Variants in NFKBIL1 observed in about 807,000 individuals in gnomAD.
NFKBIL1 encodes the protein NF-kappa-B inhibitor-like protein 1.
A neutral mutation model predicts 45.4 loss-of-function variants in NFKBIL1; 30 were observed. That is an observed-to-expected ratio of 0.66 (90% CI 0.49 to 0.90). NFKBIL1 has a LOEUF of 0.90. NFKBIL1 is among the 40% of genes least tolerant of loss of function. The pLI, the probability that NFKBIL1 is intolerant of heterozygous loss-of-function variation, is 0.00. For synonymous variants in NFKBIL1, 179 were observed against 197.3 expected, an observed-to-expected ratio of 0.91 and a Z score of 0.78; for missense variants, 434 against 513.4, an observed-to-expected ratio of 0.85 and a Z score of 1.49.
chr6:31,547,812 G>C, intron 1 of NFKBIL1, 61 bp downstream of exon 1: 1 of 1,398,426 alleles, frequency 7.2e-7, no homozygotes, highest in Non-Finnish European at 9.9e-7. Flanking sequence ...TTAAAACTCA[G>C]ATTTCTGCTG....
chr6:31,555,759 C>T (rs986324052), intron 2 of NFKBIL1, among the ~76,000 whole-genome samples: 6 of 149,488 alleles, frequency 4.0e-5, no homozygotes, highest in African/African-American at 1.2e-4. Flanking sequence ...GGATTACAGG[C>T]GTCAGCCACC....
intron 2 of NFKBIL1, among the ~76,000 whole-genome samples, chr6:31,551,732 T>C (rs112868039): frequency 0.017 from 2,506 of 151,804 alleles, 50 homozygotes; most frequent in South Asian, 0.091. Flanking sequence ...GTAGCTGAGA[T>C]TACAGGCACA....
In NFKBIL1 at chr6:31,557,916, T is replaced by C; in HGVS notation, c.556+67T>C. 2.0e-6 allele frequency: 3 copies of C among 1,509,590 alleles called. No individual in the cohort carries two copies. Among genetic ancestry groups the C allele is most frequent in the South Asian group, 1.3e-5 (1 of 78,752 alleles). 93.5% of individuals were successfully genotyped at this position (1,509,590 alleles called of 1,614,324 possible). A position where few individuals can be genotyped will look rare whatever the true frequency, so the allele number is the denominator to read the frequency against. On this transcript the variant is annotated intron_variant, in intron 3 of 3. Coordinates refer to ENST00000376148, the MANE Select transcript of NFKBIL1 (RefSeq NM_005007.4). The surrounding 1 kb of genome is among the most constrained non-coding windows in gnomAD (Gnocchi z 5.4). ...GCTGCTTTCCATCTGCATGAATGCG[T>C]CACACTAGGCTCCTCTGCCCCCTCC...
At chr6:31,551,065 C>G (rs576302019) in intron 2 of NFKBIL1, among the ~76,000 whole-genome samples, 1 of 152,244 alleles carries the variant, frequency 6.6e-6, no homozygotes, top group South Asian at 2.1e-4. Context: ...CTCATTCTGT[C>G]TCCCAGCCTG....
chr6:31,557,593 C>T lies in NFKBIL1; in HGVS notation c.335-35C>T. ...CAGCTCTGCCGAGGAGTGGGAGTCC[C>T]AGCTAACTTCTGCTCCCTGCTCTCC... is the stretch of plus-strand genomic sequence containing the variant. On this transcript the variant is annotated intron_variant, in intron 2 of 3. Coordinates refer to ENST00000376148, the MANE Select transcript of NFKBIL1 (RefSeq NM_005007.4). The surrounding 1 kb of genome is among the most constrained non-coding windows in gnomAD (Gnocchi z 5.4). The T allele has an allele frequency of 6.9e-7, 1 of 1,457,686 alleles. No individual in the cohort carries two copies. Among genetic ancestry groups the T allele is most frequent in the Non-Finnish European group, 9.1e-7 (1 of 1,095,122 alleles). The allele number at this position is 1,457,686 out of a possible 1,614,324, so 90.3% of individuals were successfully genotyped here.
Position 31,558,650 on chromosome 6 carries a change from C to G in NFKBIL1, c.*39C>G. On this transcript the variant is annotated 3_prime_UTR_variant, in exon 4 of 4. Coordinates refer to ENST00000376148, the MANE Select transcript of NFKBIL1 (RefSeq NM_005007.4). The surrounding 1 kb of genome is among the most constrained non-coding windows in gnomAD (Gnocchi z 7.2). ...GCAAGAAACTTCGGGGCTGCAGCCTCAGGATGAGGCAGAAGGAAGGGTAAG... is the reference window on the plus strand; with the variant it reads ...GCAAGAAACTTCGGGGCTGCAGCCTGAGGATGAGGCAGAAGGAAGGGTAAG... The G allele has an allele frequency of 5.4e-6, 8 of 1,482,080 alleles. No individual in the cohort carries two copies. Among genetic ancestry groups the G allele is most frequent in the Non-Finnish European group, 7.3e-6 (8 of 1,096,246 alleles). 91.8% of individuals were successfully genotyped at this position (1,482,080 alleles called of 1,614,324 possible).
At chr6:31,554,429 C>T (rs67872983) in intron 2 of NFKBIL1, among the ~76,000 whole-genome samples, 6,495 of 150,944 alleles carry the variant, frequency 0.043, 247 homozygotes, top group South Asian at 0.16. Context: ...AAAAAAAAAG[C>T]TTTTTTAAAG....
intron 2 of NFKBIL1, among the ~76,000 whole-genome samples, chr6:31,556,276 C>T (rs538272538): frequency 2.0e-5 from 3 of 152,246 alleles, no homozygotes; most frequent in African/African-American, 7.2e-5. Flanking sequence ...GGTGGGCCTT[C>T]GCCAGCCACA....
intron 2 of NFKBIL1, among the ~76,000 whole-genome samples, chr6:31,555,235 C>CTTTTTTTTTTTTT (rs9279346): frequency 4.0e-5 from 5 of 125,196 alleles, no homozygotes; most frequent in Non-Finnish European, 5.1e-5. Context: ...TATTTTTTTT[C>CTTTTTTTTTTTTT]TTTTTTTTTT....
rs201221034 is a variant in NFKBIL1 at position 31,558,067 on chromosome 6, G to C, written c.602G>C (p.Trp201Ser). 1 of 1,612,138 alleles carries C rather than the reference G, an allele frequency of 6.2e-7. No individual in the cohort carries two copies. The highest frequency in any genetic ancestry group is 8.5e-7 in the Non-Finnish European group (1 of 1,179,788). Residue 201 changes from tryptophan to serine, a missense_variant, in exon 4 of 4, where the codon TGG (tryptophan) becomes TCG (serine). Trp to Ser is a radical substitution (Grantham distance 177, BLOSUM62 -3). Around this residue, in one of 4 missense-constraint regions of NFKBIL1, gnomAD observed 23 missense variants for 46.9 expected, o/e 0.49. Transcript: ENST00000376148. The surrounding 1 kb of genome is among the most constrained non-coding windows in gnomAD (Gnocchi z 7.2). ...CAGGAACCTGAGTCCTTCTCAGCCT[G>C]GTCAGATCGCCTGGCCCGGGAACAT... is the stretch of plus-strand genomic sequence containing the variant. ...ETQEPESFSA[W>S]SDRLAREHAQ...
chr6:31,554,588 GA>G (rs1049452119), intron 2 of NFKBIL1, among the ~76,000 whole-genome samples: 4 of 151,794 alleles, frequency 2.6e-5, no homozygotes, highest in Admixed American at 1.3e-4. Flanking sequence ...ACATGAAAAA[GA>G]AAAAAACATT....
Position 31,557,125 on chromosome 6 carries a change from T to G in NFKBIL1, c.335-503T>G, listed in dbSNP as rs1769783944. 8.9e-6 allele frequency among the ~76,000 whole-genome samples: 1 copy of G among 111,882 alleles called. No homozygotes were observed. Among genetic ancestry groups the G allele is most frequent in the African/African-American group, 3.6e-5 (1 of 27,992 alleles). 73.4% of individuals were successfully genotyped at this position (111,882 alleles called of 152,430 possible). A position where few individuals can be genotyped will look rare whatever the true frequency, so the allele number is the denominator to read the frequency against. ...GTAAGAATTTTTTTTTTTTTTTTTTTGAGACGGAGTCTTGCTCTGTCACCT... is the reference window on the plus strand; with the variant it reads ...GTAAGAATTTTTTTTTTTTTTTTTTGGAGACGGAGTCTTGCTCTGTCACCT... On this transcript the variant is annotated intron_variant, in intron 2 of 3. Coordinates refer to ENST00000376148, the MANE Select transcript of NFKBIL1 (RefSeq NM_005007.4). This position sits in a 1 kb window ranked among gnomAD's most constrained non-coding sequence, Gnocchi z 5.4.
chr6:31,548,570 T>A, intron 2 of NFKBIL1, 131 bp downstream of exon 2: 1 of 1,018,590 alleles, frequency 9.8e-7, no homozygotes. Flanking sequence ...CAAGTTGGCA[T>A]GTGGCTGTCA....
chr6:31,552,093 G>A (rs959406302), intron 2 of NFKBIL1, among the ~76,000 whole-genome samples: 15 of 151,734 alleles, frequency 9.9e-5, no homozygotes, highest in African/African-American at 3.6e-4. Flanking sequence ...CACCATGCCC[G>A]ACCTAATTTT....
At position 31,558,372 on chromosome 6, in the gene NFKBIL1, C is replaced by A; in HGVS notation, c.907C>A (p.Pro303Thr). 6.4e-7 allele frequency: 1 copy of A among 1,553,096 alleles called. No homozygotes were observed. Residue 303 changes from proline (P) to threonine (T), a missense_variant, in exon 4 of 4, where the codon CCC becomes ACC. Pro to Thr is a conservative substitution (Grantham distance 38). Around this residue, in one of 4 missense-constraint regions of NFKBIL1, gnomAD observed 128 missense variants for 106.5 expected, o/e 1.20. Coordinates refer to ENST00000376148, the MANE Select transcript of NFKBIL1 (RefSeq NM_005007.4). This position sits in a 1 kb window ranked among gnomAD's most constrained non-coding sequence, Gnocchi z 7.2. ...SLWRFGDVPWPCPGGGDPEAM... is the reference protein window; with the variant it reads ...SLWRFGDVPWTCPGGGDPEAM... Reference sequence around the variant, plus strand: ...CTGGCGATTTGGTGATGTGCCCTGGCCCTGCCCTGGGGGAGGGGACCCAGA... The same window carrying A: ...CTGGCGATTTGGTGATGTGCCCTGGACCTGCCCTGGGGGAGGGGACCCAGA...
chr6:31,552,957 G>T (rs1583003663), intron 2 of NFKBIL1, among the ~76,000 whole-genome samples: 1 of 150,810 alleles, frequency 6.6e-6, no homozygotes, highest in Non-Finnish European at 1.5e-5. Flanking sequence ...GCCCGCCTCG[G>T]CCTCCCAAAA....
intron 1 of NFKBIL1, 50 bp downstream of exon 1, chr6:31,547,801 T>A (rs561172604): frequency 6.8e-7 from 1 of 1,469,000 alleles, no homozygotes. Context: ...TCTGTGACTT[T>A]TTAAAACTCA....
intron 2 of NFKBIL1, among the ~76,000 whole-genome samples, chr6:31,553,262 G>A (rs1305796998): frequency 6.6e-6 from 1 of 151,752 alleles, no homozygotes; most frequent in African/African-American, 2.4e-5. Context: ...TTAAACTCCT[G>A]TCCTGACCTG....
chr6:31,547,675 GGGGGGC>G lies in NFKBIL1; in HGVS notation c.-13_-8del. On this transcript the variant is annotated 5_prime_UTR_variant, in exon 1 of 4. Transcript: ENST00000376148. ...GGGCCTACGGCTCTGGGGGTACTTG[GGGGGGC>G]GGGGGCAGGTCTGATGAGTAACCCC... 6.3e-7 allele frequency: 1 copy of G among 1,599,560 alleles called. No homozygotes were observed. Among genetic ancestry groups the G allele is most frequent in the Non-Finnish European group, 8.5e-7 (1 of 1,170,414 alleles).
Sources: gnomAD v4.1 joint callset for allele counts (sites outside exome capture counted in the v4.1 genomes callset) on GRCh38, gnomAD v4.1.1 for gene constraint, gnomAD v4.1.1 regional missense constraint, Gnocchi (gnomAD v3.1) non-coding constraint, MANE v1.5 for transcripts, NCBI Gene and HGNC (gene_info 2026-07-23, HGNC 2026-07-21) for gene names.